CEP63: variants seen among roughly 807,000 people sequenced by gnomAD.
The protein encoded by CEP63 is centrosomal protein of 63 kDa.
Under a neutral mutation model 89.1 loss-of-function variants are expected in CEP63, and 84 were observed. The observed-to-expected ratio is 0.94, with a 90% CI of 0.79 to 1.13. CEP63 has a LOEUF of 1.13. CEP63 is among the 50% of genes most tolerant of loss of function. The pLI is 0.00. For synonymous variants in CEP63, 267 were observed against 272.5 expected (o/e 0.98, Z 0.20); for missense variants, 838 against 813.3 (o/e 1.03, Z -0.37).
intron 3 of CEP63, among the ~76,000 whole-genome samples, chr3:134,515,559 G>A (rs1946032577): frequency 6.6e-6 from 1 of 152,142 alleles, no homozygotes; most frequent in Admixed American, 6.6e-5. Flanking sequence ...ATTACTCAAG[G>A]TGAAGAAAAA....
At chr3:134,717,319 C>T in the CEP63 span, among the ~76,000 whole-genome samples, 1 of 152,184 alleles carries the variant, frequency 6.6e-6, no homozygotes, top group East Asian at 1.9e-4. Flanking sequence ...GTGATTTCTG[C>T]ATCAAACTCC....
the CEP63 span, among the ~76,000 whole-genome samples, chr3:134,759,086 C>T: frequency 2.0e-5 from 3 of 152,146 alleles, no homozygotes; most frequent in African/African-American, 7.2e-5. Context: ...CTGGAGAGGG[C>T]AAGGAAACAG....
the CEP63 span, among the ~76,000 whole-genome samples, chr3:134,661,671 A>AAG: frequency 2.0e-5 from 3 of 152,168 alleles, no homozygotes; most frequent in Admixed American, 2.0e-4. Flanking sequence ...ATATTATGAA[A>AAG]AGAGAGAGAA....
intron 9 of CEP63, 132 bp downstream of exon 9, chr3:134,547,604 G>GGTCTTTTTTTT: frequency 5.6e-6 from 1 of 179,012 alleles, no homozygotes; most frequent in African/African-American, 5.3e-5. Flanking sequence ...AATGGCCTAA[G>GGTCTTTTTTTT]TTCTTATTTC....
At chr3:134,651,133 G>A in the CEP63 span, 1 of 1,477,940 alleles carries the variant, frequency 6.8e-7, no homozygotes, top group Non-Finnish European at 8.9e-7. Flanking sequence ...TGCCAAACAC[G>A]CCATTAGGGC....
chr3:134,647,334 T>C, the CEP63 span: 1 of 924,162 alleles, frequency 1.1e-6, no homozygotes, highest in Non-Finnish European at 1.7e-6. Flanking sequence ...CGTTCAGTGG[T>C]TAGATGTCTA....
chr3:134,765,848 C>T, the CEP63 span, among the ~76,000 whole-genome samples: 236 of 152,224 alleles, frequency 1.6e-3, 2 homozygotes, highest in Non-Finnish European at 2.8e-3. Flanking sequence ...AGGCCCAATC[C>T]GTGTTTTAAG....
chr3:134,590,870 C>T (rs1257137024), downstream of CEP63, among the ~76,000 whole-genome samples: 1 of 152,092 alleles, frequency 6.6e-6, no homozygotes, highest in African/African-American at 2.4e-5. Context: ...TATGACATAC[C>T]TCCTGGACAG....
At position 134,531,830 on chromosome 3, in the gene CEP63, C is replaced by T; in HGVS notation, c.223-15C>T. 1 of 1,586,620 alleles carries T rather than the reference C, an allele frequency of 6.3e-7. No homozygotes were observed. The highest frequency in any genetic ancestry group is 8.7e-7 in the Non-Finnish European group (1 of 1,155,272). ...ATGCTAATAGTGAAAAATACTACCA[C>T]CTTTCTGCTTTTAGGTTGGAATGTT... On this transcript the variant is annotated splice_polypyrimidine_tract_variant and intron_variant, in intron 3 of 14. Transcript: ENST00000675561.
chr3:134,568,105 T>A (rs1443757371), downstream of CEP63, among the ~76,000 whole-genome samples: 2 of 152,166 alleles, frequency 1.3e-5, no homozygotes, highest in Non-Finnish European at 2.9e-5. Context: ...GTCTTCCTAG[T>A]CCTTTTCTGG....
downstream of CEP63, among the ~76,000 whole-genome samples, chr3:134,568,818 G>C (rs570058337): frequency 6.6e-6 from 1 of 152,258 alleles, no homozygotes; most frequent in South Asian, 2.1e-4. Flanking sequence ...CAAAATATTT[G>C]AAGTATTAAG....
the CEP63 span, among the ~76,000 whole-genome samples, chr3:134,735,320 T>C: frequency 6.6e-6 from 1 of 152,162 alleles, no homozygotes; most frequent in African/African-American, 2.4e-5. Context: ...TTTATTAACA[T>C]TGAACTCACA....
At chr3:134,704,052 GTAAC>G in the CEP63 span, among the ~76,000 whole-genome samples, 2 of 152,130 alleles carry the variant, frequency 1.3e-5, no homozygotes, top group Non-Finnish European at 2.9e-5. Context: ...CTTTTATCCT[GTAAC>G]TGACTCTGGC....
At chr3:134,574,304 C>G (rs1413893141) in intron 11 of CEP63, among the ~76,000 whole-genome samples, 1 of 152,200 alleles carries the variant, frequency 6.6e-6, no homozygotes, top group African/African-American at 2.4e-5. Flanking sequence ...CAGCTCTAGA[C>G]AGCAGTCCCA....
At chr3:134,536,329 TTGAATGAA>T (rs1173815545) in intron 5 of CEP63, 2 of 152,568 alleles carry the variant, frequency 1.3e-5, no homozygotes, top group African/African-American at 4.8e-5. Context: ...AGTAGAATGA[TTGAATGAA>T]TGAATGAATA....
chr3:134,559,095 AAG>A (rs1956837341), intron 13 of CEP63, 53 bp from the exon 14 acceptor site: 1 of 1,593,030 alleles, frequency 6.3e-7, no homozygotes, highest in African/African-American at 1.3e-5. Context: ...TTCTGTTGGA[AAG>A]AGAAAAGTTG....
the CEP63 span, among the ~76,000 whole-genome samples, chr3:134,671,904 G>A: frequency 6.6e-6 from 1 of 152,202 alleles, no homozygotes; most frequent in Non-Finnish European, 1.5e-5. Context: ...TGAGCCAAGG[G>A]AGGCAATGTG....
chr3:134,487,369 A>T (rs1282454722), intron 1 of CEP63, among the ~76,000 whole-genome samples: 1 of 152,248 alleles, frequency 6.6e-6, no homozygotes, highest in Non-Finnish European at 1.5e-5. Flanking sequence ...ATTTATAAAC[A>T]GGCACACTGC....
chr3:134,647,611 C>A, the CEP63 span: 1 of 620,340 alleles, frequency 1.6e-6, no homozygotes, highest in Non-Finnish European at 2.9e-6. Context: ...CTCTTGGAAT[C>A]TGAGAGAGGC....
Sources: gnomAD v4.1 joint callset for allele counts (sites outside exome capture counted in the v4.1 genomes callset) on GRCh38, gnomAD v4.1.1 for gene constraint, MANE v1.5 for transcripts, NCBI Gene and HGNC (gene_info 2026-07-23, HGNC 2026-07-21) for gene names.